The following ATXN1 variants were observed in gnomAD, a reference collection of about 807,000 sequenced individuals.
ATXN1 encodes ataxin 1.
Under a neutral mutation model 56.4 loss-of-function variants are expected in ATXN1, and 8 were observed. That is an observed-to-expected ratio of 0.14 (90% CI 0.08 to 0.26). ATXN1 has a LOEUF of 0.26. ATXN1 is among the 10% of genes least tolerant of loss of function. ATXN1 has a pLI of 1.00. For missense variants in ATXN1, 987 were observed against 1,106.5 expected (o/e 0.89, Z 1.53); for synonymous variants, 514 against 494.6 (o/e 1.04, Z -0.52).
At chr6:16,507,730 T>C (rs976679446) in intron 5 of ATXN1, among the ~76,000 whole-genome samples, 2 of 152,228 alleles carry the variant, frequency 1.3e-5, no homozygotes, top group African/African-American at 2.4e-5. Flanking sequence ...TGATAAATGC[T>C]AGTTTGGCAT....
At chr6:16,573,983 A>G (rs1762377286) in intron 4 of ATXN1, among the ~76,000 whole-genome samples, 1 of 152,174 alleles carries the variant, frequency 6.6e-6, no homozygotes, top group East Asian at 1.9e-4. Context: ...GGATTGCTCT[A>G]TAATTGCTTC....
chr6:16,702,361 A>C (rs1442069316), intron 2 of ATXN1, among the ~76,000 whole-genome samples: 1 of 152,240 alleles, frequency 6.6e-6, no homozygotes, highest in Non-Finnish European at 1.5e-5. Flanking sequence ...CTTAAATGTT[A>C]GACCTAAAAC....
chr6:16,638,018 T>C (rs575836547), intron 3 of ATXN1, among the ~76,000 whole-genome samples: 1 of 152,334 alleles, frequency 6.6e-6, no homozygotes, highest in African/African-American at 2.4e-5. Context: ...AATAAATATG[T>C]TTTAATTAAT....
chr6:16,679,848 A>C (rs1758777689), intron 2 of ATXN1, among the ~76,000 whole-genome samples: 1 of 152,244 alleles, frequency 6.6e-6, no homozygotes, highest in Non-Finnish European at 1.5e-5. Context: ...AAGCTTCTTT[A>C]ACTTTAATGA....
intron 6 of ATXN1, among the ~76,000 whole-genome samples, chr6:16,365,545 T>C (rs1391601044): frequency 6.6e-6 from 1 of 152,214 alleles, no homozygotes; most frequent in African/African-American, 2.4e-5. Context: ...CAAATGACAT[T>C]TGGGGGCTTA....
intron 4 of ATXN1, among the ~76,000 whole-genome samples, chr6:16,549,810 T>C (rs112481189): frequency 9.3e-5 from 13 of 139,556 alleles, no homozygotes; most frequent in Middle Eastern, 4.3e-3. Context: ...GGCAGTAGAA[T>C]AACTTGAACT....
At chr6:16,557,324 T>A (rs1762032221) in intron 4 of ATXN1, among the ~76,000 whole-genome samples, 1 of 105,586 alleles carries the variant, frequency 9.5e-6, no homozygotes, top group Non-Finnish European at 1.7e-5. Flanking sequence ...GAAACCCCAT[T>A]TCAAAAAAAA....
At chr6:16,364,449 A>G (rs1376089216) in intron 6 of ATXN1, among the ~76,000 whole-genome samples, 1 of 151,902 alleles carries the variant, frequency 6.6e-6, no homozygotes, top group Non-Finnish European at 1.5e-5. Context: ...GACTACAGGC[A>G]CCCGCCACCA....
intron 4 of ATXN1, among the ~76,000 whole-genome samples, chr6:16,527,866 T>G (rs1761424404): frequency 1.3e-5 from 2 of 152,212 alleles, no homozygotes; most frequent in Admixed American, 1.3e-4. Flanking sequence ...CCTGGTGAGA[T>G]GTTTCCAGAT....
chr6:16,470,643 T>C (rs1162738436), intron 6 of ATXN1, among the ~76,000 whole-genome samples: 5 of 152,202 alleles, frequency 3.3e-5, no homozygotes, highest in Admixed American at 2.0e-4. Flanking sequence ...GGTAGACAGC[T>C]GCTTGCTTCC....
chr6:16,391,019 G>A (rs1016860361), intron 6 of ATXN1, among the ~76,000 whole-genome samples: 1 of 151,892 alleles, frequency 6.6e-6, no homozygotes, highest in Non-Finnish European at 1.5e-5. Context: ...AAAATTAGCT[G>A]GGCGTAGGAG....
At chr6:16,345,478 T>C (rs1761357895) in intron 6 of ATXN1, among the ~76,000 whole-genome samples, 2 of 152,164 alleles carry the variant, frequency 1.3e-5, no homozygotes, top group Non-Finnish European at 2.9e-5. Flanking sequence ...CCTAAATCAA[T>C]CGTAGGAAGG....
chr6:16,440,265 A>G (rs1759487346), intron 6 of ATXN1, among the ~76,000 whole-genome samples: 1 of 151,964 alleles, frequency 6.6e-6, no homozygotes, highest in Non-Finnish European at 1.5e-5. Context: ...TACCACAGAG[A>G]CATGCCCCCA....
At chr6:16,503,874 T>C (rs1033908797) in intron 5 of ATXN1, among the ~76,000 whole-genome samples, 1 of 152,206 alleles carries the variant, frequency 6.6e-6, no homozygotes, top group Non-Finnish European at 1.5e-5. Flanking sequence ...CATTTTTAAC[T>C]ATACAGTCAG....
chr6:16,637,203 G>A (rs1179589653), intron 3 of ATXN1, among the ~76,000 whole-genome samples: 1 of 152,104 alleles, frequency 6.6e-6, no homozygotes, highest in Non-Finnish European at 1.5e-5. Flanking sequence ...GTTGGGACAT[G>A]GATGAAGCTG....
chr6:16,590,763 G>A (rs937251115), intron 3 of ATXN1, among the ~76,000 whole-genome samples: 2 of 151,622 alleles, frequency 1.3e-5, no homozygotes, highest in Non-Finnish European at 2.9e-5. Context: ...TCAACCTCTC[G>A]GGCTCAGGTG....
chr6:16,688,313 A>G (rs1317123672), intron 2 of ATXN1, among the ~76,000 whole-genome samples: 1 of 152,366 alleles, frequency 6.6e-6, no homozygotes, highest in East Asian at 1.9e-4. Flanking sequence ...TGAATTGAGA[A>G]AACACACTTG....
chr6:16,747,454 A>T (rs758395983), intron 2 of ATXN1, among the ~76,000 whole-genome samples: 21 of 152,200 alleles, frequency 1.4e-4, no homozygotes, highest in Non-Finnish European at 2.6e-4. Context: ...TCTGAAGCAG[A>T]CGACATACAA....
chr6:16,555,738 G>A (rs528232913), intron 4 of ATXN1, among the ~76,000 whole-genome samples: 151 of 152,296 alleles, frequency 9.9e-4, no homozygotes, highest in Non-Finnish European at 1.9e-3. Context: ...GCAACAGGAC[G>A]CATCAGTTTC....
Sources: allele counts gnomAD v4.1 joint callset (sites outside exome capture counted in the v4.1 genomes callset), GRCh38; gene constraint gnomAD v4.1.1; transcripts MANE v1.5; gene names NCBI Gene and HGNC (gene_info 2026-07-23, HGNC 2026-07-21).